STOX2: variants seen among roughly 807,000 people sequenced by gnomAD.
The protein encoded by STOX2 is storkhead-box protein 2.
A neutral mutation model predicts 60.9 loss-of-function variants in STOX2; 28 were observed. That is an observed-to-expected ratio of 0.46 (90% CI 0.34 to 0.63). The LOEUF is 0.63. Among genes scored for constraint, STOX2 ranks in the 30% least tolerant of loss-of-function variants. STOX2 has a pLI of 0.01. For missense variants in STOX2, 1,024 were observed against 1,187.7 expected, an observed-to-expected ratio of 0.86 and a Z score of 2.03; for synonymous variants, 472 against 463.9, an observed-to-expected ratio of 1.02 and a Z score of -0.22.
At chr4:183,850,786 T>C (rs974736262) in intron 1 of STOX2, among the ~76,000 whole-genome samples, 27 of 151,260 alleles carry the variant, frequency 1.8e-4, no homozygotes, top group African/African-American at 6.3e-4. Context: ...TCCTCCATTC[T>C]TTCATCATGT....
At position 184,001,586 on chromosome 4, in the gene STOX2, C is replaced by A; in HGVS notation, c.319+109C>A. 9.2e-7 allele frequency: 1 copy of A among 1,084,380 alleles called. No homozygotes were observed. Among genetic ancestry groups the A allele is most frequent in the Non-Finnish European group, 1.3e-6 (1 of 796,716 alleles). The allele number at this position is 1,084,380 out of a possible 1,614,324, so 67.2% of individuals were successfully genotyped here. ...TTAAAGAGAATAGGAAAACATTCTT[C>A]CCCAAAACTGACCCGAAGCTTTCCT... On this transcript the variant is annotated intron_variant, in intron 2 of 3. Transcript: ENST00000308497. This position sits in a 1 kb window ranked among gnomAD's most constrained non-coding sequence, Gnocchi z 4.2.
At chr4:183,904,841 C>G (rs1195205699), upstream of STOX2, among the ~76,000 whole-genome samples, 2 of 152,212 alleles carry the variant, frequency 1.3e-5, no homozygotes, top group Non-Finnish European at 2.9e-5. Context: ...TTAGAACTTC[C>G]TGAATCCTAA....
chr4:183,812,360 C>G (rs1739054550), intron 1 of STOX2, among the ~76,000 whole-genome samples: 1 of 152,188 alleles, frequency 6.6e-6, no homozygotes, highest in Non-Finnish European at 1.5e-5. Flanking sequence ...TAAATGTACT[C>G]AAACTGATGA....
intron 1 of STOX2, among the ~76,000 whole-genome samples, chr4:183,934,055 G>A (rs1206548490): frequency 6.6e-6 from 1 of 152,126 alleles, no homozygotes; most frequent in African/African-American, 2.4e-5. Flanking sequence ...TGTGATCCTA[G>A]CACTTTGGGA....
intron 1 of STOX2, among the ~76,000 whole-genome samples, chr4:183,809,075 G>GTTAT (rs1292934971): frequency 6.6e-6 from 1 of 152,034 alleles, no homozygotes; most frequent in African/African-American, 2.4e-5. Context: ...AATTAGAGCT[G>GTTAT]TTATTTATTT....
At chr4:183,936,377 A>G (rs1016019596) in intron 1 of STOX2, among the ~76,000 whole-genome samples, 3 of 150,210 alleles carry the variant, frequency 2.0e-5, no homozygotes, top group African/African-American at 7.3e-5. Flanking sequence ...GATGGATATC[A>G]ATTTTTATTT....
chr4:183,893,519 A>G (rs7680710), intron 1 of STOX2, among the ~76,000 whole-genome samples: 2,810 of 152,272 alleles, frequency 0.018, 66 homozygotes, highest in African/African-American at 0.061. Flanking sequence ...TACTGGAAAC[A>G]TTTGCAACAG....
At chr4:183,956,429 T>TTCA (rs1276675453) in intron 1 of STOX2, among the ~76,000 whole-genome samples, 3 of 142,852 alleles carry the variant, frequency 2.1e-5, no homozygotes, top group African/African-American at 8.2e-5. Context: ...CGATCTATCA[T>TTCA]TCTATCATTC....
chr4:183,816,640 T>C (rs1238303281), intron 1 of STOX2, among the ~76,000 whole-genome samples: 1 of 151,430 alleles, frequency 6.6e-6, no homozygotes, highest in Non-Finnish European at 1.5e-5. Flanking sequence ...ATCCCCTGAA[T>C]ATAAAATTTA....
rs1305931697 is a variant in STOX2 at position 184,020,953 on chromosome 4, T to C, written c.*3669T>C. 6.6e-6 allele frequency: 1 copy of C among 152,200 alleles called. No homozygotes were observed. The highest frequency in any genetic ancestry group is 1.5e-5 in the Non-Finnish European group (1 of 68,044). The allele number at this position is 152,200 out of a possible 1,614,324, so 9.4% of individuals were successfully genotyped here. ...ACCTGTTCAGTGGAAGCAGAAGCAT[T>C]GTTCCTTTTTTAGGTTGGCGCAGCT... On this transcript the variant is annotated 3_prime_UTR_variant, in exon 4 of 4. Coordinates refer to ENST00000308497, the MANE Select transcript of STOX2 (RefSeq NM_020225.3).
At chr4:183,851,248 A>AG (rs1270133639) in intron 1 of STOX2, among the ~76,000 whole-genome samples, 1 of 79,144 alleles carries the variant, frequency 1.3e-5, no homozygotes, top group Non-Finnish European at 2.9e-5. Context: ...GATGAGGGAA[A>AG]GGATGAGAGA....
Position 183,865,325 on chromosome 4 carries a change from G to A in STOX2, c.364+67270G>A, listed in dbSNP as rs1740538880. On this transcript the variant is annotated intron_variant, in intron 1 of 2. Transcript: ENST00000513034. The surrounding 1 kb of genome is among the most constrained non-coding windows in gnomAD (Gnocchi z 4.1). ...GATACTCGGTTTTAAAGTGACTGGGGTGGGTGGGATTGCTGTTTTACCTGT... is the reference window on the plus strand; with the variant it reads ...GATACTCGGTTTTAAAGTGACTGGGATGGGTGGGATTGCTGTTTTACCTGT... 6.6e-6 allele frequency among the ~76,000 whole-genome samples: 1 copy of A among 152,174 alleles called. No individual in the cohort carries two copies. The highest frequency in any genetic ancestry group is 1.5e-5 in the Non-Finnish European group (1 of 68,016).
intron 1 of STOX2, among the ~76,000 whole-genome samples, chr4:183,828,952 C>T (rs1055936512): frequency 6.6e-6 from 1 of 152,150 alleles, no homozygotes; most frequent in Admixed American, 6.5e-5. Context: ...TGTGTTTTGT[C>T]AGGTAGATTT....
At chr4:183,966,153 CT>C (rs1240238768) in intron 1 of STOX2, among the ~76,000 whole-genome samples, 2 of 152,054 alleles carry the variant, frequency 1.3e-5, no homozygotes, top group Non-Finnish European at 2.9e-5. Context: ...GTTTTGACCC[CT>C]TCAGCTCTAT....
chr4:183,899,825 T>C (rs1228347017), intron 1 of STOX2, among the ~76,000 whole-genome samples: 1 of 152,210 alleles, frequency 6.6e-6, no homozygotes, highest in Non-Finnish European at 1.5e-5. Flanking sequence ...ATTTTCAATG[T>C]AGACAGAACA....
chr4:183,902,530 T>C (rs1368074620), upstream of STOX2, among the ~76,000 whole-genome samples: 1 of 152,198 alleles, frequency 6.6e-6, no homozygotes, highest in Non-Finnish European at 1.5e-5. Context: ...GGACAACTCA[T>C]GACCCAGGTA....
At chr4:183,918,628 C>A (rs1742000513) in intron 1 of STOX2, among the ~76,000 whole-genome samples, 1 of 152,344 alleles carries the variant, frequency 6.6e-6, no homozygotes, top group Middle Eastern at 3.4e-3. Flanking sequence ...CCAGTAGGCT[C>A]TCTCCTGCCA....
intron 1 of STOX2, among the ~76,000 whole-genome samples, chr4:183,815,273 C>T (rs1739130026): frequency 6.6e-6 from 1 of 151,980 alleles, no homozygotes; most frequent in Admixed American, 6.6e-5. Context: ...TAGGTGTGGA[C>T]CACTGTGGGC....
Position 184,009,859 on chromosome 4 carries a change from A to G in STOX2, c.1021A>G (p.Lys341Glu), listed in dbSNP as rs774976324. Reference protein sequence around the residue: ...TALMKKLEEEKAQRSKAGSSA... With the variant: ...TALMKKLEEEEAQRSKAGSSA... ...GCTCATGAAGAAACTGGAAGAAGAA[A>G]AGGCCCAGAGGAGTAAAGCCGGGTC... The change falls in exon 3 of 4, where the codon AAG (lysine) becomes GAG (glutamate). Residue 341 changes from lysine to glutamate, a missense_variant. This residue lies in a region of STOX2 where 922 missense variants were observed against 1,058.3 expected (regional missense o/e 0.87). Transcript: ENST00000308497. The surrounding 1 kb of genome is among the most constrained non-coding windows in gnomAD (Gnocchi z 4.0). 7.4e-6 allele frequency: 12 copies of G among 1,612,008 alleles called. No individual in the cohort carries two copies. The East Asian group carries it at 2.2e-4, about 30-fold the overall frequency.
Sources: gnomAD v4.1 joint callset for allele counts (sites outside exome capture counted in the v4.1 genomes callset) on GRCh38, gnomAD v4.1.1 for gene constraint, gnomAD v4.1.1 regional missense constraint, Gnocchi (gnomAD v3.1) non-coding constraint, MANE v1.5 for transcripts, NCBI Gene and HGNC (gene_info 2026-07-23, HGNC 2026-07-21) for gene names.